Variants in BCLAF3 observed in about 807,000 individuals in gnomAD.
BCLAF3 encodes transient octamer binding factor 1.
Under a neutral mutation model 51.2 loss-of-function variants are expected in BCLAF3, and 24 were observed. The ratio of observed to expected loss-of-function variants is 0.47; its 90% CI spans 0.34 to 0.66. The LOEUF (loss-of-function observed/expected upper bound fraction) is 0.66, where lower values mean the gene tolerates loss of function less well. Among genes scored for constraint, BCLAF3 ranks in the 30% least tolerant of loss-of-function variants. The pLI is 0.01. For missense variants in BCLAF3, 465 were observed against 525.1 expected, an observed-to-expected ratio of 0.89 and a Z score of 1.12; for synonymous variants, 152 against 176.6, an observed-to-expected ratio of 0.86 and a Z score of 1.10.
chrX:19,956,037 A>C (rs1400946293), intron 4 of BCLAF3, among the ~76,000 whole-genome samples: 4 of 112,093 alleles, frequency 3.6e-5, no homozygotes, highest in Non-Finnish European at 5.6e-5. Context: ...CAATAATAAG[A>C]AGCTTAGAAT....
intron 1 of BCLAF3, among the ~76,000 whole-genome samples, chrX:19,986,961 C>T (rs1422194137): frequency 9.1e-6 from 1 of 109,654 alleles, no homozygotes; most frequent in Non-Finnish European, 1.9e-5. Context: ...TACCCCATAC[C>T]CAGCTAATTT....
At position 19,917,151 on chromosome X, in the gene BCLAF3, A is replaced by G; in HGVS notation, c.*154T>C. The G allele has an allele frequency of 1.9e-6, 1 of 514,664 alleles. No homozygotes were observed. Among genetic ancestry groups the G allele is most frequent in the Non-Finnish European group, 3.3e-6 (1 of 300,348 alleles). 42.4% of individuals were successfully genotyped at this position (514,664 alleles called of 1,213,427 possible). On this transcript the variant is annotated 3_prime_UTR_variant, in exon 12 of 12. Coordinates refer to ENST00000379682, the MANE Select transcript of BCLAF3 (RefSeq NM_001367774.2). ...AATTTAAAAGCAATTGTTAGGTGTA[A>G]AAAAGTTGCAGCATTCCACTACTAA...
chrX:19,979,810 C>A (rs2072552629), intron 1 of BCLAF3, among the ~76,000 whole-genome samples: 1 of 109,808 alleles, frequency 9.1e-6, no homozygotes, highest in Admixed American at 9.8e-5. Flanking sequence ...GAATAAATTA[C>A]AATGTGCCCA....
intron 1 of BCLAF3, among the ~76,000 whole-genome samples, chrX:19,975,624 G>A (rs187173189): frequency 1.3e-4 from 15 of 112,254 alleles, no homozygotes; most frequent in Non-Finnish European, 1.9e-4. Flanking sequence ...GATTACAGGC[G>A]TGAGCCACTG....
chrX:19,961,287 CAG>C (rs1466682752), intron 4 of BCLAF3, among the ~76,000 whole-genome samples: 1 of 112,370 alleles, frequency 8.9e-6, no homozygotes, highest in Non-Finnish European at 1.9e-5. Flanking sequence ...AAGTTTCTGA[CAG>C]AGTGGATCAT....
At chrX:19,931,595 C>T (rs2070558608) in intron 10 of BCLAF3, among the ~76,000 whole-genome samples, 1 of 111,881 alleles carries the variant, frequency 8.9e-6, no homozygotes, top group Non-Finnish European at 1.9e-5. Context: ...TTAACAAGAC[C>T]AGTTCAGCAT....
intron 8 of BCLAF3, among the ~76,000 whole-genome samples, chrX:19,940,192 A>G (rs112951253): frequency 4.5e-5 from 5 of 112,196 alleles, no homozygotes; most frequent in African/African-American, 1.3e-4. Flanking sequence ...GCTGCCCTGC[A>G]GCTAGGCATG....
chrX:19,918,523 C>T (rs904521517), intron 11 of BCLAF3, among the ~76,000 whole-genome samples: 12 of 104,998 alleles, frequency 1.1e-4, no homozygotes, highest in Admixed American at 4.2e-4. Flanking sequence ...TAAAAGCCCC[C>T]CCAACCCGGC....
At chrX:19,951,745 T>G (rs1261353303) in intron 7 of BCLAF3, among the ~76,000 whole-genome samples, 2 of 109,858 alleles carry the variant, frequency 1.8e-5, no homozygotes. Flanking sequence ...CTGGGCAACA[T>G]GGAAAAACCC....
chrX:19,946,578 G>A (rs2071307762), intron 8 of BCLAF3, among the ~76,000 whole-genome samples: 1 of 111,393 alleles, frequency 9.0e-6, no homozygotes, highest in Non-Finnish European at 1.9e-5. Flanking sequence ...ATTTAAGTGA[G>A]ATTATGTCTC....
intron 8 of BCLAF3, among the ~76,000 whole-genome samples, chrX:19,941,012 T>C (rs1351641599): frequency 9.0e-6 from 1 of 110,874 alleles, no homozygotes; most frequent in Non-Finnish European, 1.9e-5. Flanking sequence ...TGCATTTCTC[T>C]GATGGCCAGT....
At position 19,965,359 on chromosome X, in the gene BCLAF3, C is replaced by T; in HGVS notation, c.959G>A (p.Arg320Lys). The T allele has an allele frequency of 1.7e-6, 2 of 1,211,011 alleles. No homozygotes were observed. The highest frequency in any genetic ancestry group is 1.1e-6 in the Non-Finnish European group (1 of 894,895). The change falls in exon 4 of 12, where the codon AGA becomes AAA. Residue 320 changes from arginine to lysine, a missense_variant. Transcript: ENST00000379682. ...KYSFQKGPLNRELDCFNTGRG... is the reference protein window; with the variant it reads ...KYSFQKGPLNKELDCFNTGRG... ...TCCAGTATTAAAACAATCTAACTCT[C>T]TATTTAGAGGGCCTTTTTGAAAACT...
chrX:19,988,869 C>T (rs910546691), intron 1 of BCLAF3, among the ~76,000 whole-genome samples: 1 of 111,668 alleles, frequency 9.0e-6, no homozygotes, highest in South Asian at 3.7e-4. Flanking sequence ...GCCTTTGCCT[C>T]ACCTAGATAA....
Position 19,953,058 on chromosome X carries a change from T to C in BCLAF3, c.1566-7A>G, listed in dbSNP as rs1178700909. 16 of 1,174,655 alleles carry C rather than the reference T, an allele frequency of 1.4e-5. No individual in the cohort carries two copies. Among genetic ancestry groups the C allele is most frequent in the Non-Finnish European group, 1.9e-5 (16 of 864,221 alleles). ...CAAAGACATATCTATTCTCCTAAAA[T>C]AATAAAGGCATAGTACAACTAAATA... On this transcript the variant is annotated splice_region_variant and splice_polypyrimidine_tract_variant and intron_variant, in intron 6 of 11. Coordinates refer to ENST00000379682, the MANE Select transcript of BCLAF3 (RefSeq NM_001367774.2).
chrX:19,918,005 C>T, intron 11 of BCLAF3: 1 of 111,383 alleles, frequency 9.0e-6, no homozygotes, highest in Non-Finnish European at 1.9e-5. Context: ...ACGGAGCAAA[C>T]ATGGTAAAAT....
intron 10 of BCLAF3, chrX:19,930,659 C>A: frequency 5.7e-6 from 1 of 174,713 alleles, no homozygotes. Flanking sequence ...GAGACCCTGT[C>A]TCAAAAAAAC....
At position 19,981,518 on chromosome X, in the gene BCLAF3, T is replaced by C. The variant is rs926978045; in HGVS notation, c.-35+9390A>G. On this transcript the variant is annotated intron_variant, in intron 1 of 11. Transcript: ENST00000379682. Reference sequence around the variant, plus strand: ...AAATAGAGTAGCCACTTGGAAAAGTTTGGCAGTTCCCCCACAAGTTAAACA... The same window carrying C: ...AAATAGAGTAGCCACTTGGAAAAGTCTGGCAGTTCCCCCACAAGTTAAACA... Among the ~76,000 whole-genome samples the C allele has an allele frequency of 4.5e-5, 5 of 112,013 alleles. No homozygotes were observed. In the Admixed American group the frequency reaches 4.8e-4, roughly 11 times the overall value.
chrX:19,977,156 A>G (rs140647989), intron 1 of BCLAF3, among the ~76,000 whole-genome samples: 8 of 111,432 alleles, frequency 7.2e-5, no homozygotes, highest in African/African-American at 2.6e-4. Context: ...AGACACAATA[A>G]TATTGAAATG....
At position 19,917,214 on chromosome X, in the gene BCLAF3, T is replaced by C; in HGVS notation, c.*91A>G. The C allele has an allele frequency of 1.2e-6, 1 of 804,394 alleles. No homozygotes were observed. The highest frequency in any genetic ancestry group is 2.0e-5 in the African/African-American group (1 of 49,219). 66.3% of individuals were successfully genotyped at this position (804,394 alleles called of 1,213,427 possible). A position where few individuals can be genotyped will look rare whatever the true frequency, so the allele number is the denominator to read the frequency against. On this transcript the variant is annotated 3_prime_UTR_variant, in exon 12 of 12. Coordinates refer to ENST00000379682, the MANE Select transcript of BCLAF3 (RefSeq NM_001367774.2). ...TTTTATCAAGAAGTTACAGTATTAG[T>C]GCCTTAGTGTCACTTCTAACTCCTG...
Sources: allele counts gnomAD v4.1 joint callset (sites outside exome capture counted in the v4.1 genomes callset), GRCh38; gene constraint gnomAD v4.1.1; transcripts MANE v1.5; gene names NCBI Gene and HGNC (gene_info 2026-07-23, HGNC 2026-07-21).